Variants in CIDEA observed in about 807,000 individuals in gnomAD.
CIDEA encodes lipid transferase CIDEA.
In CIDEA, 10 loss-of-function variants were observed where a neutral mutation model predicts 18.2. The observed-to-expected ratio is 0.55, with a 90% CI of 0.34 to 0.93. The LOEUF is 0.93. CIDEA is among the 40% of genes least tolerant of loss of function. The pLI, the probability that CIDEA is intolerant of heterozygous loss-of-function variation, is 0.02. For missense variants in CIDEA, 309 were observed against 293.1 expected (o/e 1.05, Z -0.40); for synonymous variants, 128 against 124.8 (o/e 1.03, Z -0.17).
chr18:12,276,553 G>T (rs369044524), intron 4 of CIDEA, among the ~76,000 whole-genome samples: 2 of 152,174 alleles, frequency 1.3e-5, no homozygotes, highest in African/African-American at 4.8e-5. Flanking sequence ...TGGAACTCAC[G>T]ACAGCCCCCA....
chr18:12,266,412 A>C (rs1188445922), intron 3 of CIDEA, among the ~76,000 whole-genome samples: 5 of 152,082 alleles, frequency 3.3e-5, no homozygotes, highest in Non-Finnish European at 2.9e-5. Flanking sequence ...TCATGATTGC[A>C]CCATTGCACT....
chr18:12,256,174 C>T (rs976591031), intron 1 of CIDEA, among the ~76,000 whole-genome samples: 2 of 152,186 alleles, frequency 1.3e-5, no homozygotes, highest in Non-Finnish European at 2.9e-5. Flanking sequence ...GGGAAAACAC[C>T]TTTTCTTCCC....
Position 12,264,351 on chromosome 18 carries a change from G to A in CIDEA, c.228G>A (p.Val76=). 6.2e-7 allele frequency: 1 copy of A among 1,614,078 alleles called. No individual in the cohort carries two copies. Among genetic ancestry groups the A allele is most frequent in the Non-Finnish European group, 8.5e-7 (1 of 1,179,966 alleles). ...TCGCTACCGGACTGGTCACTCTGGT[G>A]CTGGAGGAAGATGGCACCGTGGTGG... ...LVIATGLVTL[V]LEEDGTVVDT... is the part of the protein sequence containing the mutation. The change falls in exon 3 of 5, where the codon GTG becomes GTA. Residue 76 remains valine, a synonymous_variant. Transcript: ENST00000320477.
At chr18:12,271,490 G>T (rs368134994) in intron 3 of CIDEA, among the ~76,000 whole-genome samples, 6 of 152,122 alleles carry the variant, frequency 3.9e-5, no homozygotes, top group East Asian at 3.9e-4. Flanking sequence ...CCTCGGCAGT[G>T]GGACAGCATT....
At position 12,274,231 on chromosome 18, in the gene CIDEA, G is replaced by T. The variant is rs751972278; in HGVS notation, c.469G>T (p.Val157Leu). The T allele has an allele frequency of 1.2e-6, 2 of 1,614,044 alleles. No homozygotes were observed. The highest frequency in any genetic ancestry group is 2.2e-5 in the East Asian group (1 of 44,888). ...VKATMYEMYS[V>L]SYDIRCTGLK... ...GGCCACCATGTATGAGATGTACTCC[G>T]TGTCCTACGACATCCGGTGCACGGG... Residue 157 changes from valine (V) to leucine (L), a missense_variant, in exon 4 of 5, where the codon GTG becomes TTG. By Grantham distance (32) the Val-to-Leu change is conservative. Transcript: ENST00000320477.
At chr18:12,263,086 T>G in intron 2 of CIDEA, 117 bp downstream of exon 2, 1 of 1,026,950 alleles carries the variant, frequency 9.7e-7, no homozygotes, top group Non-Finnish European at 1.4e-6. Context: ...AAGCAGCATC[T>G]CACTGGGGGG....
Position 12,264,429 on chromosome 18 carries a change from G to C in CIDEA, c.306G>C (p.Leu102Phe), listed in dbSNP as rs145238831. The change falls in exon 3 of 5, where the codon TTG becomes TTC. Residue 102 changes from leucine (L) to phenylalanine (F), a missense_variant. By Grantham distance (22) the Leu-to-Phe change is conservative. Coordinates refer to ENST00000320477, the MANE Select transcript of CIDEA (RefSeq NM_001279.4). ...TLGDNTHFMI[L>F]EKGQKWMPGS... ...GAGACAACACGCATTTCATGATCTT[G>C]GAAAAAGGACAGAAGTGGATGCCGG... 95 of 1,613,566 alleles carry C rather than the reference G, an allele frequency of 5.9e-5. No homozygotes were observed. Among genetic ancestry groups the C allele is most frequent in the Non-Finnish European group, 7.7e-5 (91 of 1,179,784 alleles).
At chr18:12,263,525 T>C (rs1912257397) in intron 2 of CIDEA, 1 of 152,314 alleles carries the variant, frequency 6.6e-6, no homozygotes, top group Non-Finnish European at 1.5e-5. Context: ...CTCTGTACCA[T>C]AAAACATTGA....
In CIDEA at chr18:12,254,514, C is replaced by T. The variant is rs1598771217; in HGVS notation, c.38+93C>T. The T allele has an allele frequency of 2.6e-6, 4 of 1,542,532 alleles. No homozygotes were observed. The Admixed American group carries it at 7.8e-5, about 30-fold the overall frequency. ...CCCCTGTGCGCCTCTAGTACCGTAC[C>T]CCGCTCCCTTCAGCCCCCTGCTCCC... On this transcript the variant is annotated intron_variant, in intron 1 of 4. Transcript: ENST00000320477.
At position 12,254,402 on chromosome 18, in the gene CIDEA, T is replaced by A; in HGVS notation, c.19T>A (p.Tyr7Asn). 6.4e-7 allele frequency: 1 copy of A among 1,570,522 alleles called. No individual in the cohort carries two copies. Among genetic ancestry groups the A allele is most frequent in the Non-Finnish European group, 8.6e-7 (1 of 1,159,858 alleles). MEAARD[Y>N]AGALIRPLTF... ...CCGCGCCATGGAGGCCGCCCGGGAC[T>A]ATGCAGGAGCCCTCATCAGGCGAGT... is the stretch of plus-strand genomic sequence containing the variant. Residue 7 changes from tyrosine (Y) to asparagine (N), a missense_variant, in exon 1 of 5, where the codon TAT becomes AAT. Physicochemically the swap from Tyr to Asn is moderately radical, Grantham distance 143. Transcript: ENST00000320477.
At chr18:12,258,586 G>A (rs1800612) in intron 1 of CIDEA, among the ~76,000 whole-genome samples, 86,242 of 152,026 alleles carry the variant, frequency 0.57, 24,865 homozygotes, top group African/African-American at 0.66. Context: ...GGGCGAAGAG[G>A]GGCTCTTTCT....
At chr18:12,263,515 C>G (rs1327938470) in intron 2 of CIDEA, 1 of 152,464 alleles carries the variant, frequency 6.6e-6, no homozygotes, top group Non-Finnish European at 1.5e-5. Flanking sequence ...AACATTACAT[C>G]TCTGTACCAT....
At position 12,254,423 on chromosome 18, in the gene CIDEA, C is replaced by G; in HGVS notation, c.38+2C>G. The G allele has an allele frequency of 6.3e-7, 1 of 1,590,232 alleles. No homozygotes were observed. On this transcript the variant is annotated splice_donor_variant, in intron 1 of 4. Transcript: ENST00000320477. LOFTEE classifies it high-confidence loss of function. Reference sequence around the variant, plus strand: ...GGACTATGCAGGAGCCCTCATCAGGCGAGTGCCCCGCGTCCCCCTGATTGC... The same window carrying G: ...GGACTATGCAGGAGCCCTCATCAGGGGAGTGCCCCGCGTCCCCCTGATTGC...
intron 4 of CIDEA, among the ~76,000 whole-genome samples, chr18:12,276,262 G>GGGATTACAGGCATGAACC (rs199693566): frequency 0.031 from 4,661 of 151,926 alleles, 115 homozygotes; most frequent in Middle Eastern, 0.12. Flanking sequence ...CAAAAGTGCT[G>GGGATTACAGGCATGAACC]GGATTACAGG....
intron 1 of CIDEA, among the ~76,000 whole-genome samples, chr18:12,262,220 C>T (rs550790691): frequency 6.6e-6 from 1 of 151,992 alleles, no homozygotes; most frequent in Non-Finnish European, 1.5e-5. Context: ...TAAATGTGGA[C>T]TTAATCCAAA....
chr18:12,262,606 T>C (rs1460953667), intron 1 of CIDEA, among the ~76,000 whole-genome samples: 1 of 152,236 alleles, frequency 6.6e-6, no homozygotes, highest in Non-Finnish European at 1.5e-5. Flanking sequence ...GATGTTCTAG[T>C]AAAATAGGAA....
intron 3 of CIDEA, among the ~76,000 whole-genome samples, chr18:12,270,854 GAC>G (rs1912497124): frequency 6.7e-6 from 1 of 148,942 alleles, no homozygotes; most frequent in South Asian, 2.1e-4. Context: ...ACAGACCACA[GAC>G]ACCTCTGTTT....
chr18:12,273,091 C>T (rs570396306), intron 3 of CIDEA, among the ~76,000 whole-genome samples: 22 of 152,150 alleles, frequency 1.4e-4, no homozygotes, highest in African/African-American at 4.8e-5. Flanking sequence ...CTGTATGATC[C>T]GAATTAGAGG....
intron 1 of CIDEA, chr18:12,255,034 C>G: frequency 1.1e-6 from 1 of 949,962 alleles, no homozygotes; most frequent in Non-Finnish European, 1.4e-6. Flanking sequence ...GCAGGGGGGA[C>G]AAGGGGCGGG....
Sources: gnomAD v4.1 joint callset for allele counts (sites outside exome capture counted in the v4.1 genomes callset) on GRCh38, gnomAD v4.1.1 for gene constraint, MANE v1.5 for transcripts, NCBI Gene and HGNC (gene_info 2026-07-23, HGNC 2026-07-21) for gene names.